The following GMDS variants were observed in gnomAD, a reference collection of about 807,000 sequenced individuals.
GMDS encodes GDP-mannose 4,6 dehydratase.
In GMDS, 20 loss-of-function variants were observed where a neutral mutation model predicts 49.9. The observed-to-expected ratio is 0.40, with a 90% CI of 0.28 to 0.58. The LOEUF is 0.58. Among genes scored for constraint, GMDS ranks in the 20% least tolerant of loss-of-function variants. The probability of loss-of-function intolerance (pLI) is 0.42; values close to 1 mark genes in which losing one functional copy is unlikely to be tolerated. For synonymous variants in GMDS, 177 were observed against 178.6 expected, an observed-to-expected ratio of 0.99 and a Z score of 0.07; for missense variants, 362 against 481.4, an observed-to-expected ratio of 0.75 and a Z score of 2.32.
At chr6:2,083,469 T>G (rs944113591) in intron 4 of GMDS, among the ~76,000 whole-genome samples, 2 of 152,080 alleles carry the variant, frequency 1.3e-5, no homozygotes, top group Non-Finnish European at 2.9e-5. Flanking sequence ...TTAAATGAAG[T>G]GGACAGAAAA....
chr6:1,904,850 A>C (rs1362873856), intron 7 of GMDS, among the ~76,000 whole-genome samples: 1 of 152,204 alleles, frequency 6.6e-6, no homozygotes, highest in Admixed American at 6.5e-5. Context: ...GGAGTGCATG[A>C]GATGGACCTG....
chr6:1,650,732 G>A (rs1763625988), intron 9 of GMDS, among the ~76,000 whole-genome samples: 1 of 129,978 alleles, frequency 7.7e-6, no homozygotes, highest in Non-Finnish European at 1.7e-5. Flanking sequence ...GCATCACCAT[G>A]CCTGGCTAAT....
At chr6:1,752,750 A>G (rs1300625783) in intron 7 of GMDS, among the ~76,000 whole-genome samples, 1 of 152,212 alleles carries the variant, frequency 6.6e-6, no homozygotes, top group Non-Finnish European at 1.5e-5. Flanking sequence ...TAAATAAAAG[A>G]ATTTTCAACT....
intron 7 of GMDS, among the ~76,000 whole-genome samples, chr6:1,823,730 G>C (rs1397454126): frequency 6.6e-6 from 1 of 152,088 alleles, no homozygotes; most frequent in Non-Finnish European, 1.5e-5. Context: ...CCTAAGCATT[G>C]TTAAGCTAGG....
At chr6:2,227,747 A>G (rs1049144351) in intron 1 of GMDS, among the ~76,000 whole-genome samples, 9 of 152,340 alleles carry the variant, frequency 5.9e-5, no homozygotes, top group African/African-American at 2.2e-4. Context: ...CCCCTGGGTC[A>G]CAATAGCAGC....
At chr6:1,852,785 C>T (rs1757744873) in intron 7 of GMDS, among the ~76,000 whole-genome samples, 1 of 151,696 alleles carries the variant, frequency 6.6e-6, no homozygotes. Flanking sequence ...CGGCGCGATG[C>T]AACCTCTGCC....
chr6:2,245,196 C>A, intron 1 of GMDS, 125 bp downstream of exon 1: 1 of 684,388 alleles, frequency 1.5e-6, no homozygotes, highest in Non-Finnish European at 2.5e-6. Flanking sequence ...CTCCCGGCAG[C>A]AGACCCCTTC....
rs74939638 is a variant in GMDS at position 1,967,955 on chromosome 6, C to T, written c.346-6989G>A. 3.3e-5 allele frequency among the ~76,000 whole-genome samples: 5 copies of T among 152,290 alleles called. No individual in the cohort carries two copies. The South Asian group carries it at 1.0e-3, about 32-fold the overall frequency. ...ACCAGATATAGATGCTGAAAGTTCA[C>T]GTGTCAATTCTGTAGTCTACAAAAT... On this transcript the variant is annotated intron_variant, in intron 4 of 10. Coordinates refer to ENST00000380815, the MANE Select transcript of GMDS (RefSeq NM_001500.4).
At chr6:1,924,690 T>A (rs1333556714) in intron 7 of GMDS, among the ~76,000 whole-genome samples, 2 of 152,208 alleles carry the variant, frequency 1.3e-5, no homozygotes, top group East Asian at 3.8e-4. Context: ...GAATGAACAG[T>A]GCCACCCTGA....
chr6:1,837,620 C>T (rs1188614453), intron 7 of GMDS, among the ~76,000 whole-genome samples: 1 of 152,080 alleles, frequency 6.6e-6, no homozygotes, highest in East Asian at 1.9e-4. Flanking sequence ...GGGAGCCAAG[C>T]AATGAAGACT....
intron 9 of GMDS, among the ~76,000 whole-genome samples, chr6:1,688,588 C>T (rs1765064750): frequency 6.6e-6 from 1 of 152,266 alleles, no homozygotes; most frequent in Non-Finnish European, 1.5e-5. Context: ...CACAAATCCA[C>T]TGCAGCTCTC....
chr6:1,945,679 G>A (rs1316768007), intron 6 of GMDS, among the ~76,000 whole-genome samples: 1 of 152,150 alleles, frequency 6.6e-6, no homozygotes, highest in Admixed American at 6.5e-5. Flanking sequence ...GGAGGCTGAG[G>A]CAGGAAGATT....
At chr6:2,043,056 C>A (rs1769778850) in intron 4 of GMDS, among the ~76,000 whole-genome samples, 1 of 152,132 alleles carries the variant, frequency 6.6e-6, no homozygotes, top group African/African-American at 2.4e-5. Flanking sequence ...TTTCATCAAG[C>A]CTCATGAGTC....
intron 7 of GMDS, among the ~76,000 whole-genome samples, chr6:1,752,131 A>G (rs1767759811): frequency 6.6e-6 from 1 of 152,160 alleles, no homozygotes; most frequent in African/African-American, 2.4e-5. Flanking sequence ...AAAGCTAAGA[A>G]CCTTGAGAAA....
At chr6:1,630,860 C>T (rs1762979422) in intron 9 of GMDS, among the ~76,000 whole-genome samples, 1 of 152,064 alleles carries the variant, frequency 6.6e-6, no homozygotes, top group Non-Finnish European at 1.5e-5. Flanking sequence ...TCACTGATCT[C>T]CACTCTGACG....
chr6:2,007,786 C>G (rs1466509070), intron 4 of GMDS, among the ~76,000 whole-genome samples: 1 of 152,070 alleles, frequency 6.6e-6, no homozygotes, highest in East Asian at 1.9e-4. Context: ...TGAAAACAAT[C>G]TTATAGTTCT....
At chr6:2,011,909 G>A (rs1018509174) in intron 4 of GMDS, among the ~76,000 whole-genome samples, 1 of 152,152 alleles carries the variant, frequency 6.6e-6, no homozygotes, top group Non-Finnish European at 1.5e-5. Flanking sequence ...GCAAGACTCT[G>A]TCTTCAAAAA....
intron 9 of GMDS, among the ~76,000 whole-genome samples, chr6:1,699,539 G>A (rs143937525): frequency 3.3e-5 from 5 of 152,230 alleles, no homozygotes; most frequent in East Asian, 3.9e-4. Flanking sequence ...GAAAGAACCC[G>A]TTCCCTTGCC....
At chr6:1,703,470 AG>A (rs1311246806) in intron 9 of GMDS, among the ~76,000 whole-genome samples, 17 of 152,012 alleles carry the variant, frequency 1.1e-4, no homozygotes, top group Middle Eastern at 3.4e-3. Context: ...TGCATTCAAA[AG>A]AAAAAAAAAA....
Sources: allele counts gnomAD v4.1 joint callset (sites outside exome capture counted in the v4.1 genomes callset), GRCh38; gene constraint gnomAD v4.1.1; transcripts MANE v1.5; gene names NCBI Gene and HGNC (gene_info 2026-07-23, HGNC 2026-07-21).